The following ATG2B variants were observed in gnomAD, a reference collection of about 807,000 sequenced individuals.
ATG2B encodes autophagy related 2B.
ATG2B carries 121 observed loss-of-function variants against 241.3 expected under a neutral mutation model. The ratio of observed to expected loss-of-function variants is 0.50; its 90% CI spans 0.43 to 0.58. The LOEUF (loss-of-function observed/expected upper bound fraction) is 0.58, where lower values mean the gene tolerates loss of function less well. Among genes scored for constraint, ATG2B ranks in the 20% least tolerant of loss-of-function variants. ATG2B has a pLI of 0.00. For synonymous variants in ATG2B, 858 were observed against 876.6 expected, an observed-to-expected ratio of 0.98 and a Z score of 0.37; for missense variants, 2,306 against 2,491.6, an observed-to-expected ratio of 0.93 and a Z score of 1.59.
rs991267562 is a variant in ATG2B at position 96,363,011 on chromosome 14, G to A, written c.-35C>T. 2.5e-6 allele frequency: 4 copies of A among 1,610,926 alleles called. No homozygotes were observed. The highest frequency in any genetic ancestry group is 3.4e-6 in the Non-Finnish European group (4 of 1,178,990). On this transcript the variant is annotated 5_prime_UTR_variant, in exon 1 of 42. Coordinates refer to ENST00000359933, the MANE Select transcript of ATG2B (RefSeq NM_018036.7). Reference sequence around the variant, plus strand: ...TGGCAGCTGGGCTGACTGCGGCTGCGGGTTGCGACGGCTCCGGCCTCGGGG... The same window carrying A: ...TGGCAGCTGGGCTGACTGCGGCTGCAGGTTGCGACGGCTCCGGCCTCGGGG...
Position 96,285,960 on chromosome 14 carries a change from A to G in ATG2B, c.6032T>C (p.Ile2011Thr). 6.2e-7 allele frequency: 1 copy of G among 1,613,762 alleles called. No homozygotes were observed. The highest frequency in any genetic ancestry group is 8.5e-7 in the Non-Finnish European group (1 of 1,179,902). ...GTGTTCTCGAGCCGCAGTTTCATAA[A>G]TGGTCTGAGCCGTGTCTGTGATTCC... Reference protein sequence around the residue: ...KEGITDTAQTIYETAAREHES... With the variant: ...KEGITDTAQTTYETAAREHES... Residue 2011 changes from isoleucine to threonine, a missense_variant, in exon 42 of 42, where the codon ATT becomes ACT. Coordinates refer to ENST00000359933, the MANE Select transcript of ATG2B (RefSeq NM_018036.7). This position sits in a 1 kb window ranked among gnomAD's most constrained non-coding sequence, Gnocchi z 4.2.
In ATG2B at chr14:96,282,460, G is replaced by A. The variant is rs1450726798; in HGVS notation, c.*3295C>T. On this transcript the variant is annotated 3_prime_UTR_variant, in exon 42 of 42. Coordinates refer to ENST00000359933, the MANE Select transcript of ATG2B (RefSeq NM_018036.7). ...AGCCCACCATGCCCCACAGTTCTGAGGATGCGGGTGCGAGGACTCTGAAGC... is the reference window on the plus strand; with the variant it reads ...AGCCCACCATGCCCCACAGTTCTGAAGATGCGGGTGCGAGGACTCTGAAGC... 1 of 152,282 alleles carries A rather than the reference G, an allele frequency of 6.6e-6. No individual in the cohort carries two copies. The highest frequency in any genetic ancestry group is 6.5e-5 in the Admixed American group (1 of 15,284). 9.4% of individuals were successfully genotyped at this position (152,282 alleles called of 1,614,324 possible). A position where few individuals can be genotyped will look rare whatever the true frequency, so the allele number is the denominator to read the frequency against.
chr14:96,355,496 TG>T (rs1370503088), intron 1 of ATG2B, among the ~76,000 whole-genome samples: 1 of 152,176 alleles, frequency 6.6e-6, no homozygotes, highest in Non-Finnish European at 1.5e-5. Flanking sequence ...ACTAGCTAGC[TG>T]GGTGGCTCTG....
chr14:96,328,604 C>G, intron 13 of ATG2B, 69 bp from the exon 14 acceptor site: 3 of 1,552,920 alleles, frequency 1.9e-6, no homozygotes, highest in South Asian at 2.4e-5. Flanking sequence ...GGGTTAAAAC[C>G]TTATAATTGT....
intron 5 of ATG2B, among the ~76,000 whole-genome samples, chr14:96,342,589 G>A (rs1025220864): frequency 9.2e-5 from 14 of 151,892 alleles, no homozygotes; most frequent in African/African-American, 3.4e-4. Context: ...GGGCATGGTA[G>A]CATGTGCCTG....
intron 29 of ATG2B, among the ~76,000 whole-genome samples, chr14:96,308,280 ATAT>A (rs1294967871): frequency 6.6e-4 from 19 of 28,652 alleles, no homozygotes; most frequent in African/African-American, 1.9e-3. Context: ...ATATATATAT[ATAT>A]TTTTTTTTTT....
At chr14:96,319,188 C>T (rs1269006808) in intron 18 of ATG2B, among the ~76,000 whole-genome samples, 1 of 152,216 alleles carries the variant, frequency 6.6e-6, no homozygotes, top group Admixed American at 6.5e-5. Context: ...AGGATTGTGA[C>T]TCTCAGGAGA....
chr14:96,362,692 TCA>T, intron 1 of ATG2B, 121 bp downstream of exon 1: 1 of 951,284 alleles, frequency 1.1e-6, no homozygotes, highest in African/African-American at 1.6e-5. Context: ...CTGAGCCGTG[TCA>T]CACTCGGGTC....
At chr14:96,310,835 T>G (rs908042757) in intron 28 of ATG2B, among the ~76,000 whole-genome samples, 3 of 152,158 alleles carry the variant, frequency 2.0e-5, no homozygotes, top group Non-Finnish European at 2.9e-5. Flanking sequence ...ATGATAAATG[T>G]TTTCTTTCTT....
intron 23 of ATG2B, among the ~76,000 whole-genome samples, chr14:96,313,918 C>T (rs1397663550): frequency 6.6e-6 from 1 of 152,152 alleles, no homozygotes; most frequent in Non-Finnish European, 1.5e-5. Flanking sequence ...AACTATCAAT[C>T]TGGCTTCTTA....
chr14:96,307,432 AAAC>A (rs1189038818), intron 29 of ATG2B, among the ~76,000 whole-genome samples: 1 of 152,112 alleles, frequency 6.6e-6, no homozygotes, highest in Non-Finnish European at 1.5e-5. Context: ...AACAAACAAA[AAAC>A]AACAACTAAT....
In ATG2B at chr14:96,292,066, C is replaced by A; in HGVS notation, c.5459G>T (p.Arg1820Leu). ...TACATGTTTGCCATGATAATCAAGT[C>A]GAATGGGAACTTCTGACGTGAATCT... is the stretch of plus-strand genomic sequence containing the variant. The part of the protein sequence containing the change: ...EFRFTSEVPI[R>L]LDYHGKHVSM... Residue 1820 changes from arginine to leucine, a missense_variant, in exon 37 of 42, where the codon CGA (arginine) becomes CTA (leucine). By Grantham distance (102) the Arg-to-Leu change is moderately radical. Coordinates refer to ENST00000359933, the MANE Select transcript of ATG2B (RefSeq NM_018036.7). The A allele has an allele frequency of 6.3e-7, 1 of 1,597,908 alleles. No individual in the cohort carries two copies. The highest frequency in any genetic ancestry group is 8.5e-7 in the Non-Finnish European group (1 of 1,171,968).
chr14:96,351,072 C>G (rs554447587), intron 1 of ATG2B, among the ~76,000 whole-genome samples: 2 of 152,318 alleles, frequency 1.3e-5, no homozygotes, highest in Admixed American at 1.3e-4. Context: ...TGGCATGACA[C>G]TCAGAAATTC....
Position 96,333,757 on chromosome 14 carries a change from G to C in ATG2B, c.1138C>G (p.Leu380Val), listed in dbSNP as rs1887800357. ...LNRYYLRKDS[L>V]SVGVSSEQSF... ...TGCTCTGAAGATACACCCACAGAGA[G>C]GGAATCTTTTCTCAAATAATACCGG... Residue 380 changes from leucine to valine, a missense_variant, in exon 8 of 42, where the codon CTC (leucine) becomes GTC (valine). Physicochemically the swap from Leu to Val is conservative, Grantham distance 32. Coordinates refer to ENST00000359933, the MANE Select transcript of ATG2B (RefSeq NM_018036.7). 5 of 1,613,920 alleles carry C rather than the reference G, an allele frequency of 3.1e-6. No individual in the cohort carries two copies. Among genetic ancestry groups the C allele is most frequent in the Non-Finnish European group, 4.2e-6 (5 of 1,179,878 alleles).
chr14:96,308,940 G>A (rs1224135162), intron 29 of ATG2B, among the ~76,000 whole-genome samples: 1 of 152,056 alleles, frequency 6.6e-6, no homozygotes, highest in Non-Finnish European at 1.5e-5. Context: ...GTAAGAACCC[G>A]AATGTCATGG....
At chr14:96,336,988 G>A (rs1375562143) in intron 6 of ATG2B, among the ~76,000 whole-genome samples, 1 of 152,116 alleles carries the variant, frequency 6.6e-6, no homozygotes, top group East Asian at 1.9e-4. Context: ...TCTAGTCAGA[G>A]GTTCCAATCC....
chr14:96,284,016 T>C lies in ATG2B; in HGVS notation c.*1739A>G, dbSNP rs1886271228. The C allele has an allele frequency of 6.6e-6, 1 of 152,274 alleles. No individual in the cohort carries two copies. Among genetic ancestry groups the C allele is most frequent in the Non-Finnish European group, 1.5e-5 (1 of 68,048 alleles). The allele number at this position is 152,274 out of a possible 1,614,324, so 9.4% of individuals were successfully genotyped here. A position where few individuals can be genotyped will look rare whatever the true frequency, so the allele number is the denominator to read the frequency against. ...AACTTAAGTACAACTGTGGAAAGTA[T>C]ATTTAAAAGTTAGACAGATTTTACA... is the stretch of plus-strand genomic sequence containing the variant. On this transcript the variant is annotated 3_prime_UTR_variant, in exon 42 of 42. Transcript: ENST00000359933.
intron 36 of ATG2B, among the ~76,000 whole-genome samples, chr14:96,293,510 G>A (rs1886544732): frequency 6.6e-6 from 1 of 152,186 alleles, no homozygotes; most frequent in Admixed American, 6.5e-5. Context: ...TTTGTAAAAT[G>A]AATAAATGTT....
At chr14:96,357,053 C>T (rs891271187) in intron 1 of ATG2B, among the ~76,000 whole-genome samples, 6 of 152,188 alleles carry the variant, frequency 3.9e-5, no homozygotes, top group Admixed American at 1.3e-4. Context: ...TCTGCTCAAA[C>T]TGCAAACTAC....
Sources: gnomAD v4.1 joint callset for allele counts (sites outside exome capture counted in the v4.1 genomes callset) on GRCh38, gnomAD v4.1.1 for gene constraint, Gnocchi (gnomAD v3.1) non-coding constraint, MANE v1.5 for transcripts, NCBI Gene and HGNC (gene_info 2026-07-23, HGNC 2026-07-21) for gene names.